Variants in ABCD3 observed in about 807,000 individuals in gnomAD.
ABCD3 encodes ATP-binding cassette sub-family D member 3.
Under a neutral mutation model 105.5 loss-of-function variants are expected in ABCD3, and 41 were observed. That is an observed-to-expected ratio of 0.39 (90% CI 0.30 to 0.50). The LOEUF (loss-of-function observed/expected upper bound fraction) is 0.50, where lower values mean the gene tolerates loss of function less well. ABCD3 is among the 20% of genes least tolerant of loss of function. The probability of loss-of-function intolerance (pLI) is 0.84; values close to 1 mark genes in which losing one functional copy is unlikely to be tolerated. For missense variants in ABCD3, 622 were observed against 806.3 expected, an observed-to-expected ratio of 0.77 and a Z score of 2.77; for synonymous variants, 258 against 269.0, an observed-to-expected ratio of 0.96 and a Z score of 0.40.
intron 3 of ABCD3, among the ~76,000 whole-genome samples, chr1:94,465,876 C>T (rs753410368): frequency 2.0e-5 from 3 of 152,066 alleles, no homozygotes; most frequent in Non-Finnish European, 2.9e-5. Context: ...GTATCATTAC[C>T]TTCAGCTCTT....
intron 1 of ABCD3, among the ~76,000 whole-genome samples, chr1:94,421,915 A>T (rs955955199): frequency 2.7e-4 from 41 of 152,184 alleles, no homozygotes; most frequent in African/African-American, 9.4e-4. Context: ...TCTTTTTAAG[A>T]AGCTCAGATA....
chr1:94,515,841 T>G (rs1456987487), intron 22 of ABCD3, among the ~76,000 whole-genome samples: 4 of 143,680 alleles, frequency 2.8e-5, no homozygotes, highest in African/African-American at 1.0e-4. Context: ...CCTCCCTTCC[T>G]TTCTTCCTTC....
At chr1:94,474,267 T>C (rs1441962104) in intron 5 of ABCD3, among the ~76,000 whole-genome samples, 2 of 151,584 alleles carry the variant, frequency 1.3e-5, no homozygotes, top group African/African-American at 2.4e-5. Flanking sequence ...GAGGGGGGAA[T>C]GCAAATCATC....
chr1:94,516,271 C>T (rs1482998094), intron 22 of ABCD3, among the ~76,000 whole-genome samples: 1 of 151,778 alleles, frequency 6.6e-6, no homozygotes, highest in Admixed American at 6.6e-5. Flanking sequence ...AGACAGGTAG[C>T]CTATATGAAA....
At chr1:94,430,557 T>A (rs1426533576) in intron 1 of ABCD3, among the ~76,000 whole-genome samples, 2 of 152,178 alleles carry the variant, frequency 1.3e-5, no homozygotes, top group African/African-American at 4.8e-5. Flanking sequence ...GAAGTTCCCC[T>A]GCACAAGCTG....
chr1:94,516,954 C>T (rs574993396), intron 22 of ABCD3, 98 bp from the exon 23 acceptor site: 3 of 875,190 alleles, frequency 3.4e-6, no homozygotes, highest in East Asian at 2.5e-5. Flanking sequence ...GATTTAGCTC[C>T]CTTAAAATAA....
rs781552671 is a variant in ABCD3 at position 94,499,585 on chromosome 1, C to G, written c.1711C>G (p.Leu571Val). Residue 571 changes from leucine (L) to valine (V), a missense_variant, in exon 20 of 23, where the codon CTC becomes GTC. This residue lies in a region of ABCD3 where 285 missense variants were observed against 352.5 expected (regional missense o/e 0.81). Coordinates refer to ENST00000370214, the MANE Select transcript of ABCD3 (RefSeq NM_002858.4). Reference sequence around the variant, plus strand: ...CAGTGTTCAGGATTGGATGGACGTACTCAGTGGTGGAGAAAAGCAAAGAAT... The same window carrying G: ...CAGTGTTCAGGATTGGATGGACGTAGTCAGTGGTGGAGAAAAGCAAAGAAT... ...WDSVQDWMDV[L>V]SGGEKQRMAM... The G allele has an allele frequency of 8.1e-6, 13 of 1,613,700 alleles. 1 individual carries two copies. The South Asian group carries it at 1.4e-4, about 18-fold the overall frequency.
In ABCD3 at chr1:94,431,973, G is replaced by T. The variant is rs1288498184; in HGVS notation, c.110+13385G>T. On this transcript the variant is annotated intron_variant, in intron 1 of 22. Transcript: ENST00000370214. ...AGCAAGCATGGGACAGAATAAATGAGGTGATCCCATTTCTTAAGTATCATA... is the reference window on the plus strand; with the variant it reads ...AGCAAGCATGGGACAGAATAAATGATGTGATCCCATTTCTTAAGTATCATA... 2.6e-5 allele frequency among the ~76,000 whole-genome samples: 4 copies of T among 152,072 alleles called. No individual in the cohort carries two copies. In the East Asian group the frequency reaches 7.7e-4, roughly 29 times the overall value.
intron 1 of ABCD3, chr1:94,419,285 T>C: frequency 1.0e-6 from 1 of 985,376 alleles, no homozygotes; most frequent in Non-Finnish European, 1.2e-6. Flanking sequence ...ATGTTTTCCT[T>C]CCTGGGCTCT....
At chr1:94,406,445 A>G in the ABCD3 span, 2 of 379,738 alleles carry the variant, frequency 5.3e-6, no homozygotes, top group South Asian at 2.5e-5. Flanking sequence ...GTTCCTTTCC[A>G]GTTTTTCTCA....
chr1:94,505,081 G>C (rs1650284763), intron 20 of ABCD3, among the ~76,000 whole-genome samples: 1 of 152,194 alleles, frequency 6.6e-6, no homozygotes, highest in African/African-American at 2.4e-5. Context: ...ATGGATTTTA[G>C]AGGGAAAATC....
At chr1:94,513,671 A>T (rs1186276774) in intron 21 of ABCD3, 1 of 152,106 alleles carries the variant, frequency 6.6e-6, no homozygotes, top group Admixed American at 6.6e-5. Flanking sequence ...ATAGAATCTG[A>T]GGTTCAAATT....
At chr1:94,452,459 G>T (rs192272247) in intron 1 of ABCD3, among the ~76,000 whole-genome samples, 45 of 152,328 alleles carry the variant, frequency 3.0e-4, no homozygotes, top group African/African-American at 9.1e-4. Flanking sequence ...CACAGAGTGT[G>T]CCTCGTGGCA....
At chr1:94,397,279 C>A in the ABCD3 span, among the ~76,000 whole-genome samples, 1 of 152,140 alleles carries the variant, frequency 6.6e-6, no homozygotes, top group African/African-American at 2.4e-5. Context: ...TGCTAACTAA[C>A]CACAGACTTC....
At chr1:94,409,258 A>T in the ABCD3 span, among the ~76,000 whole-genome samples, 3 of 152,226 alleles carry the variant, frequency 2.0e-5, no homozygotes. Flanking sequence ...AAATGCTTGC[A>T]ACGATGAATA....
intron 7 of ABCD3, 85 bp downstream of exon 7, chr1:94,475,822 G>A: frequency 9.6e-7 from 1 of 1,045,664 alleles, no homozygotes; most frequent in Non-Finnish European, 1.4e-6. Context: ...TTGATTTTGT[G>A]GACATAACAG....
intron 21 of ABCD3, among the ~76,000 whole-genome samples, chr1:94,511,907 A>G (rs539734045): frequency 6.3e-4 from 95 of 151,970 alleles, no homozygotes; most frequent in Non-Finnish European, 9.4e-4. Flanking sequence ...ACTTTTTTCA[A>G]AGTTTTCAGC....
the ABCD3 span, among the ~76,000 whole-genome samples, chr1:94,388,610 C>T: frequency 1.7e-4 from 26 of 152,108 alleles, no homozygotes; most frequent in Non-Finnish European, 1.8e-4. Flanking sequence ...CTTCTGTGGC[C>T]GAGGTGATAA....
At chr1:94,431,182 CTTTAG>C (rs1456341922) in intron 1 of ABCD3, among the ~76,000 whole-genome samples, 1 of 152,056 alleles carries the variant, frequency 6.6e-6, no homozygotes, top group Admixed American at 6.6e-5. Flanking sequence ...TGTTGCCATT[CTTTAG>C]TTTATCTTGG....
Sources: allele counts gnomAD v4.1 joint callset (sites outside exome capture counted in the v4.1 genomes callset), GRCh38; gene constraint gnomAD v4.1.1; regional missense constraint gnomAD v4.1.1; transcripts MANE v1.5; gene names NCBI Gene and HGNC (gene_info 2026-07-23, HGNC 2026-07-21).